Variants in PUM1 observed in about 807,000 individuals in gnomAD.
PUM1 encodes pumilio homolog 1.
In PUM1, 13 loss-of-function variants were observed where a neutral mutation model predicts 131.8. The observed-to-expected ratio is 0.10, with a 90% CI of 0.06 to 0.16. The LOEUF is 0.16. Among genes scored for constraint, PUM1 ranks in the 10% least tolerant of loss-of-function variants. PUM1 has a pLI of 1.00. For missense variants in PUM1, 961 were observed against 1,512.4 expected, an observed-to-expected ratio of 0.64 and a Z score of 6.05; for synonymous variants, 509 against 556.5, an observed-to-expected ratio of 0.91 and a Z score of 1.20.
intron 3 of PUM1, among the ~76,000 whole-genome samples, chr1:31,017,336 G>A (rs2124527599): frequency 6.6e-6 from 1 of 152,222 alleles, no homozygotes; most frequent in African/African-American, 2.4e-5. Flanking sequence ...AAGAAAGGAA[G>A]AGTAACCAAC....
intron 2 of PUM1, among the ~76,000 whole-genome samples, chr1:31,032,959 A>G (rs1191380621): frequency 6.6e-6 from 1 of 152,010 alleles, no homozygotes; most frequent in African/African-American, 2.4e-5. Flanking sequence ...TACAAAAATT[A>G]GCTGGGCGTG....
chr1:31,013,192 A>G (rs1040255080), intron 3 of PUM1, among the ~76,000 whole-genome samples: 1 of 152,132 alleles, frequency 6.6e-6, no homozygotes, highest in African/African-American at 2.4e-5. Context: ...CCCCAACAAA[A>G]CAACACTACA....
Position 30,932,128 on chromosome 1 carries a change from C to T in PUM1, c.*1083G>A, listed in dbSNP as rs540243796. Reference sequence around the variant, plus strand: ...CAATATACAACACTATATGCTACGACCATAAAAGGTGAGAATATACACTGA... The same window carrying T: ...CAATATACAACACTATATGCTACGATCATAAAAGGTGAGAATATACACTGA... On this transcript the variant is annotated 3_prime_UTR_variant, in exon 22 of 22. Coordinates refer to ENST00000426105, the MANE Select transcript of PUM1 (RefSeq NM_001020658.2). 1 of 152,678 alleles carries T rather than the reference C, an allele frequency of 6.5e-6. No individual in the cohort carries two copies. Among genetic ancestry groups the T allele is most frequent in the African/African-American group, 2.4e-5 (1 of 41,538 alleles). 9.5% of individuals were successfully genotyped at this position (152,678 alleles called of 1,614,324 possible). A position where few individuals can be genotyped will look rare whatever the true frequency, so the allele number is the denominator to read the frequency against.
At chr1:31,065,579 G>C (rs543508490) in intron 1 of PUM1, 37 bp downstream of exon 1, 2 of 1,539,020 alleles carry the variant, frequency 1.3e-6, no homozygotes, top group Non-Finnish European at 1.7e-6. Flanking sequence ...TAGGGGTCCG[G>C]AGCAGCGTTT....
In PUM1 at chr1:30,974,671, C is replaced by A; in HGVS notation, c.1486G>T (p.Ala496Ser). The A allele has an allele frequency of 6.2e-7, 1 of 1,608,604 alleles. No homozygotes were observed. The highest frequency in any genetic ancestry group is 8.5e-7 in the Non-Finnish European group (1 of 1,178,128). Residue 496 changes from alanine to serine, a missense_variant, in exon 10 of 22, where the codon GCT (alanine) becomes TCT (serine). By Grantham distance (99) the Ala-to-Ser change is moderately conservative (BLOSUM62 1). Coordinates refer to ENST00000426105, the MANE Select transcript of PUM1 (RefSeq NM_001020658.2). ...TTTACCTGCTGCTGTCCTTGCTGAG[C>A]CTGTGGGGTGGTCTGTTGATTAGCT... is the stretch of plus-strand genomic sequence containing the variant. ...NSANQQTTPQ[A>S]QQGQQQVLRG... is the part of the protein sequence containing the mutation.
At chr1:30,994,962 G>A (rs1641929910) in intron 6 of PUM1, 92 bp downstream of exon 6, 1 of 1,330,762 alleles carries the variant, frequency 7.5e-7, no homozygotes, top group Non-Finnish European at 1.0e-6. Flanking sequence ...ACATGAAGAG[G>A]GGAAGAAAAC....
chr1:30,970,691 A>C (rs761367249), intron 10 of PUM1, among the ~76,000 whole-genome samples: 1 of 152,182 alleles, frequency 6.6e-6, no homozygotes, highest in Non-Finnish European at 1.5e-5. Context: ...GTAAATAGCA[A>C]GCATTTTTGC....
intron 18 of PUM1, among the ~76,000 whole-genome samples, chr1:30,945,017 G>C (rs1394438111): frequency 2.0e-5 from 3 of 152,216 alleles, no homozygotes; most frequent in African/African-American, 4.8e-5. Context: ...TGGATTGCTT[G>C]AGTGCAGGAA....
At chr1:31,047,460 A>G (rs1318919481) in intron 2 of PUM1, among the ~76,000 whole-genome samples, 1 of 152,232 alleles carries the variant, frequency 6.6e-6, no homozygotes, top group Admixed American at 6.5e-5. Flanking sequence ...GTCCTTTCAC[A>G]AGAGTGAATA....
intron 14 of PUM1, among the ~76,000 whole-genome samples, chr1:30,963,932 G>A (rs1354847626): frequency 4.6e-5 from 7 of 152,140 alleles, no homozygotes; most frequent in Non-Finnish European, 1.0e-4. Context: ...TGCGGGAGAG[G>A]AGTATGCACC....
chr1:30,955,545 T>TAG (rs1640128182), intron 14 of PUM1, among the ~76,000 whole-genome samples: 1 of 151,218 alleles, frequency 6.6e-6, no homozygotes, highest in Admixed American at 6.6e-5. Context: ...TTGATTGCAA[T>TAG]AGAAAAAAGA....
At chr1:30,935,566 C>T (rs1639171982) in intron 21 of PUM1, 1 of 427,314 alleles carries the variant, frequency 2.3e-6, no homozygotes, top group African/African-American at 2.0e-5. Flanking sequence ...CTGCCTTCAC[C>T]AGCATCCTGA....
Position 31,005,791 on chromosome 1 carries a change from A to G in PUM1, c.720+62T>C, listed in dbSNP as rs980668478. On this transcript the variant is annotated intron_variant, in intron 5 of 21. Transcript: ENST00000426105. Reference sequence around the variant, plus strand: ...GGCATGTTTTGCTTTAGGGGAAAAAAAGAGAGAGAGAGAGAGAGAGAGAGA... The same window carrying G: ...GGCATGTTTTGCTTTAGGGGAAAAAGAGAGAGAGAGAGAGAGAGAGAGAGA... 2.0e-5 allele frequency: 26 copies of G among 1,313,954 alleles called. No homozygotes were observed. In the East Asian group the frequency reaches 2.3e-4, roughly 12 times the overall value. The allele number at this position is 1,313,954 out of a possible 1,614,324, so 81.4% of individuals were successfully genotyped here. A position where few individuals can be genotyped will look rare whatever the true frequency, so the allele number is the denominator to read the frequency against.
intron 9 of PUM1, among the ~76,000 whole-genome samples, chr1:30,978,071 C>T (rs1641209945): frequency 6.6e-6 from 1 of 151,986 alleles, no homozygotes; most frequent in Non-Finnish European, 1.5e-5. Context: ...ATGGCAAAAC[C>T]CCATCTCTAC....
At chr1:30,947,168 A>C (rs914137665) in intron 17 of PUM1, among the ~76,000 whole-genome samples, 4 of 152,192 alleles carry the variant, frequency 2.6e-5, no homozygotes, top group Non-Finnish European at 5.9e-5. Context: ...CAACATTCAA[A>C]CCCAAGCAAT....
intron 6 of PUM1, among the ~76,000 whole-genome samples, chr1:30,994,278 C>T (rs1470767807): frequency 6.6e-6 from 1 of 151,986 alleles, no homozygotes; most frequent in Non-Finnish European, 1.5e-5. Context: ...ATTAGCTTTA[C>T]ACTGATATTA....
chr1:30,969,195 G>A (rs763613339), intron 10 of PUM1, among the ~76,000 whole-genome samples: 6 of 151,392 alleles, frequency 4.0e-5, no homozygotes, highest in Non-Finnish European at 7.4e-5. Flanking sequence ...TCCCAGCTAC[G>A]AGAGAGGATG....
intron 3 of PUM1, among the ~76,000 whole-genome samples, chr1:31,009,792 A>AACAAAC: frequency 6.7e-6 from 1 of 150,322 alleles, no homozygotes; most frequent in African/African-American, 2.4e-5. Context: ...AAAAAACAAA[A>AACAAAC]ACAGAAACAA....
At chr1:30,953,569 C>G in intron 15 of PUM1, 145 bp downstream of exon 15, 1 of 853,970 alleles carries the variant, frequency 1.2e-6, no homozygotes, top group South Asian at 1.7e-5. Context: ...TCTTAAATCC[C>G]TATGAAATAA....
Sources: gnomAD v4.1 joint callset for allele counts (sites outside exome capture counted in the v4.1 genomes callset) on GRCh38, gnomAD v4.1.1 for gene constraint, MANE v1.5 for transcripts, NCBI Gene and HGNC (gene_info 2026-07-23, HGNC 2026-07-21) for gene names.